The following TARS3 variants were observed in gnomAD, a reference collection of about 807,000 sequenced individuals.
TARS3 encodes the protein threonyl-tRNA synthetase 3.
TARS3 carries 94 observed loss-of-function variants against 103.5 expected under a neutral mutation model. That is an observed-to-expected ratio of 0.91 (90% CI 0.77 to 1.08). The LOEUF (loss-of-function observed/expected upper bound fraction) is 1.08. TARS3 is among the 50% of genes least tolerant of loss of function. The pLI is 0.00. For synonymous variants in TARS3, 416 were observed against 355.4 expected (o/e 1.17, Z -1.92); for missense variants, 952 against 995.2 (o/e 0.96, Z 0.58).
chr15:101,669,452 G>A (rs542375277), intron 15 of TARS3, among the ~76,000 whole-genome samples: 237 of 152,290 alleles, frequency 1.6e-3, no homozygotes, highest in African/African-American at 5.4e-3. Context: ...TAGCCTAAAT[G>A]TACAGTGTTT....
chr15:101,708,281 A>C (rs1205116595), intron 6 of TARS3, among the ~76,000 whole-genome samples: 4 of 151,160 alleles, frequency 2.6e-5, no homozygotes, highest in East Asian at 3.9e-4. Context: ...AAAAAAAAAA[A>C]AAAACCCAAA....
At position 101,702,270 on chromosome 15, in the gene TARS3, G is replaced by T; in HGVS notation, c.1190C>A (p.Ala397Glu). 1 of 1,614,068 alleles carries T rather than the reference G, an allele frequency of 6.2e-7. No individual in the cohort carries two copies. Among genetic ancestry groups the T allele is most frequent in the Non-Finnish European group, 8.5e-7 (1 of 1,180,006 alleles). The change falls in exon 9 of 19, where the codon GCA becomes GAA. Residue 397 changes from alanine (A) to glutamate (E), a missense_variant. By Grantham distance (107) the Ala-to-Glu change is moderately radical. Coordinates refer to ENST00000335968, the MANE Select transcript of TARS3 (RefSeq NM_152334.3). Reference sequence around the variant, plus strand: ...GATCTTCCTGTGATCTCGGTTCTTTGCTTCCTCTTGGAACTTTTCCCAGTC... The same window carrying T: ...GATCTTCCTGTGATCTCGGTTCTTTTCTTCCTCTTGGAACTTTTCCCAGTC... The part of the protein sequence containing the change: ...MRDWEKFQEE[A>E]KNRDHRKIGK...
intron 6 of TARS3, among the ~76,000 whole-genome samples, chr15:101,707,148 C>A (rs529724456): frequency 2.0e-5 from 3 of 152,224 alleles, no homozygotes; most frequent in African/African-American, 7.2e-5. Flanking sequence ...TACCACTTCA[C>A]AACCATTAGG....
At chr15:101,669,378 TA>T (rs1897708900) in intron 15 of TARS3, among the ~76,000 whole-genome samples, 1 of 152,154 alleles carries the variant, frequency 6.6e-6, no homozygotes, top group Admixed American at 6.5e-5. Flanking sequence ...ATGTATAAAG[TA>T]AAAAAGTTAC....
chr15:101,719,679 G>C (rs1174055841), intron 3 of TARS3, among the ~76,000 whole-genome samples: 1 of 152,236 alleles, frequency 6.6e-6, no homozygotes, highest in African/African-American at 2.4e-5. Flanking sequence ...TCATTGCTCT[G>C]CAGCTTCTCT....
At chr15:101,679,116 T>C (rs868244882) in intron 12 of TARS3, among the ~76,000 whole-genome samples, 20 of 152,330 alleles carry the variant, frequency 1.3e-4, no homozygotes, top group African/African-American at 4.8e-4. Context: ...ATGATATATC[T>C]TGGTGTAGGT....
In TARS3 at chr15:101,657,800, T is replaced by C. The variant is rs1235146621; in HGVS notation, c.2130A>G (p.Glu710=). The change falls in exon 17 of 19, where the codon GAA becomes GAG. Residue 710 remains glutamate (E), a synonymous_variant. Transcript: ENST00000335968. ...CTGATTTTACCTGAAGTGCATATTTTTCACAAGTTGGCCCCACAGGGATGA... is the reference window on the plus strand; with the variant it reads ...CTGATTTTACCTGAAGTGCATATTTCTCACAAGTTGGCCCCACAGGGATGA... ...VMVIPVGPTC[E]KYALQVSSEF... is the part of the protein sequence containing the mutation. 11 of 1,609,214 alleles carry C rather than the reference T, an allele frequency of 6.8e-6. No homozygotes were observed. Among genetic ancestry groups the C allele is most frequent in the Non-Finnish European group, 8.5e-6 (10 of 1,177,264 alleles).
At chr15:101,719,400 T>C (rs1900329765) in intron 3 of TARS3, among the ~76,000 whole-genome samples, 1 of 152,142 alleles carries the variant, frequency 6.6e-6, no homozygotes, top group Non-Finnish European at 1.5e-5. Flanking sequence ...TTGTCTCACT[T>C]GGGGAGTGAG....
chr15:101,684,147 C>T lies in TARS3; in HGVS notation c.1578G>A (p.Gly526=), dbSNP rs1407958628. 2 of 1,614,032 alleles carry T rather than the reference C, an allele frequency of 1.2e-6. No individual in the cohort carries two copies. The highest frequency in any genetic ancestry group is 1.1e-5 in the South Asian group (1 of 91,072). ...FGVLHRNELS[G]TLSGLTRVRR... is the part of the protein sequence containing the mutation. ...TCACTCTGGTCAAGCCGCTGAGAGTCCCCGACAGTTCATTTCTATGCAGAA... is the reference window on the plus strand; with the variant it reads ...TCACTCTGGTCAAGCCGCTGAGAGTTCCCGACAGTTCATTTCTATGCAGAA... Residue 526 remains glycine, a synonymous_variant, in exon 12 of 19, where the codon GGG becomes GGA. Transcript: ENST00000335968.
chr15:101,678,184 T>C (rs1196949248), intron 12 of TARS3, among the ~76,000 whole-genome samples: 1 of 151,694 alleles, frequency 6.6e-6, no homozygotes, highest in Non-Finnish European at 1.5e-5. Flanking sequence ...TTCACCATGT[T>C]GGTCAGGCTG....
intron 5 of TARS3, among the ~76,000 whole-genome samples, chr15:101,709,395 T>C (rs911355308): frequency 6.6e-6 from 1 of 152,156 alleles, no homozygotes; most frequent in African/African-American, 2.4e-5. Flanking sequence ...CCCTGGTCAG[T>C]GCTCACTCCC....
intron 10 of TARS3, among the ~76,000 whole-genome samples, chr15:101,691,805 C>A (rs1334732524): frequency 2.6e-5 from 4 of 151,772 alleles, no homozygotes; most frequent in Non-Finnish European, 5.9e-5. Context: ...ATTTTGTATC[C>A]TTTGATCTAT....
chr15:101,672,848 C>T (rs1897865649), intron 13 of TARS3, among the ~76,000 whole-genome samples: 1 of 152,188 alleles, frequency 6.6e-6, no homozygotes, highest in Admixed American at 6.5e-5. Flanking sequence ...AACACAGGTA[C>T]ATGTTTCCAG....
At chr15:101,697,636 C>T (rs893077810) in intron 10 of TARS3, among the ~76,000 whole-genome samples, 1 of 152,176 alleles carries the variant, frequency 6.6e-6, no homozygotes, top group African/African-American at 2.4e-5. Flanking sequence ...CTTCAGGACA[C>T]GGATCAAATT....
chr15:101,671,333 C>G (rs1207875895), intron 15 of TARS3, among the ~76,000 whole-genome samples, 153 bp downstream of exon 15: 1 of 152,110 alleles, frequency 6.6e-6, no homozygotes, highest in Non-Finnish European at 1.5e-5. Flanking sequence ...CAAGTTGATT[C>G]GCAACTGGAT....
intron 13 of TARS3, among the ~76,000 whole-genome samples, chr15:101,674,759 C>T (rs1251571706): frequency 2.0e-5 from 3 of 150,898 alleles, no homozygotes; most frequent in African/African-American, 4.9e-5. Flanking sequence ...GAGCTGAGAT[C>T]GCGCCACTGC....
intron 18 of TARS3, 98 bp from the exon 19 acceptor site, chr15:101,654,828 A>T (rs531391928): frequency 8.6e-7 from 1 of 1,164,712 alleles, no homozygotes; most frequent in African/African-American, 1.6e-5. Flanking sequence ...GTTTTTCTTC[A>T]CTAATATTAA....
chr15:101,699,232 G>C, intron 10 of TARS3: 1 of 292,634 alleles, frequency 3.4e-6, no homozygotes, highest in South Asian at 2.9e-5. Flanking sequence ...AATTCCTTCA[G>C]ACAAAGGTAT....
At chr15:101,703,735 T>C in intron 8 of TARS3, 124 bp downstream of exon 8, 1 of 648,338 alleles carries the variant, frequency 1.5e-6, no homozygotes. Flanking sequence ...CAAATAAGAA[T>C]GAAATATTTT....
Sources: allele counts gnomAD v4.1 joint callset (sites outside exome capture counted in the v4.1 genomes callset), GRCh38; gene constraint gnomAD v4.1.1; transcripts MANE v1.5; gene names NCBI Gene and HGNC (gene_info 2026-07-23, HGNC 2026-07-21).